Variants in CDH10 observed in about 807,000 individuals in gnomAD.
CDH10 encodes the protein cadherin-10.
Under a neutral mutation model 73.1 loss-of-function variants are expected in CDH10, and 30 were observed. That is an observed-to-expected ratio of 0.41 (90% confidence interval 0.31 to 0.56). CDH10 has a LOEUF of 0.56. CDH10 is among the 20% of genes least tolerant of loss of function. The pLI is 0.27. For synonymous variants in CDH10, 345 were observed against 348.2 expected (o/e 0.99, Z 0.10); for missense variants, 815 against 973.7 (o/e 0.84, Z 2.17).
At chr5:24,616,442 A>C (rs1172563891) in intron 1 of CDH10, among the ~76,000 whole-genome samples, 1 of 152,218 alleles carries the variant, frequency 6.6e-6, no homozygotes, top group African/African-American at 2.4e-5. Context: ...AAAGGTAAAA[A>C]AAGGAATGAA....
intron 11 of CDH10, among the ~76,000 whole-genome samples, chr5:24,489,807 C>A (rs768561367): frequency 6.6e-6 from 1 of 151,994 alleles, no homozygotes; most frequent in African/African-American, 2.4e-5. Flanking sequence ...AGGTAAAAAT[C>A]TATTTTAATA....
At chr5:24,623,083 G>T (rs901859732) in intron 1 of CDH10, among the ~76,000 whole-genome samples, 2 of 152,060 alleles carry the variant, frequency 1.3e-5, no homozygotes, top group Non-Finnish European at 2.9e-5. Context: ...CCAGAAATGA[G>T]AATTATTTCA....
rs1748035224 is a variant in CDH10, at chr5:24,641,074, A to G, written c.-124+3520T>C. Among the ~76,000 whole-genome samples, 3 of 152,068 alleles carry G rather than the reference A, an allele frequency of 2.0e-5. No homozygotes were observed. In the South Asian group the frequency reaches 6.2e-4, roughly 32 times the overall value. ...GTGATGGGTCTTATTTTTTGACAAT[A>G]TGTGTCTACAGTTAGTTCAAGTGAG... On this transcript the variant is annotated intron_variant, in intron 1 of 11. Transcript: ENST00000264463.
intron 4 of CDH10, 25 bp downstream of exon 4, chr5:24,535,678 C>G: frequency 6.3e-7 from 1 of 1,593,878 alleles, no homozygotes; most frequent in Non-Finnish European, 8.5e-7. Flanking sequence ...ATCAAATGAA[C>G]AAACAGCAAT....
At chr5:24,516,739 A>G (rs1487167847) in intron 5 of CDH10, among the ~76,000 whole-genome samples, 3 of 151,964 alleles carry the variant, frequency 2.0e-5, no homozygotes, top group Admixed American at 6.6e-5. Context: ...TCATTCCTTC[A>G]GCAAGCTTCC....
chr5:24,641,801 C>T (rs1007745352), intron 1 of CDH10, among the ~76,000 whole-genome samples: 4 of 151,940 alleles, frequency 2.6e-5, no homozygotes, highest in African/African-American at 9.7e-5. Context: ...CTGTTAAATA[C>T]AATATGGTTA....
intron 1 of CDH10, among the ~76,000 whole-genome samples, chr5:24,607,295 A>T (rs541084525): frequency 6.6e-6 from 1 of 152,196 alleles, no homozygotes; most frequent in Non-Finnish European, 1.5e-5. Flanking sequence ...TCCCTTGGAG[A>T]CAGGCACAAG....
intron 6 of CDH10, among the ~76,000 whole-genome samples, chr5:24,510,646 T>C (rs1303560209): frequency 6.6e-6 from 1 of 152,202 alleles, no homozygotes; most frequent in Non-Finnish European, 1.5e-5. Flanking sequence ...ACAGTTGGTT[T>C]TGTACTTTGT....
chr5:24,639,806 C>T (rs1179091044), intron 1 of CDH10, among the ~76,000 whole-genome samples: 2 of 151,736 alleles, frequency 1.3e-5, no homozygotes, highest in African/African-American at 4.8e-5. Context: ...TCAATATCCT[C>T]TCTTATAGTA....
intron 5 of CDH10, among the ~76,000 whole-genome samples, chr5:24,516,058 G>A (rs1177583525): frequency 6.6e-6 from 1 of 152,134 alleles, no homozygotes; most frequent in Non-Finnish European, 1.5e-5. Flanking sequence ...TTTATTAGCA[G>A]CATGAAAACA....
Position 24,518,360 on chromosome 5 carries a change from GAC to G in CDH10, c.815-6848_815-6847del, listed in dbSNP as rs1743185915. ...AACAACACATCAAACGCATGTTGGA[GAC>G]AGAGACAGATATATATACACACACA... On this transcript the variant is annotated intron_variant, in intron 5 of 11. Coordinates refer to ENST00000264463, the MANE Select transcript of CDH10 (RefSeq NM_006727.5). 2.0e-5 allele frequency among the ~76,000 whole-genome samples: 3 copies of G among 151,932 alleles called. No individual in the cohort carries two copies. The South Asian group carries it at 6.2e-4, about 31-fold the overall frequency.
intron 2 of CDH10, among the ~76,000 whole-genome samples, chr5:24,564,657 C>T (rs1745102005): frequency 6.6e-6 from 1 of 152,178 alleles, no homozygotes; most frequent in Non-Finnish European, 1.5e-5. Flanking sequence ...ATCAGTATTT[C>T]TAATTGCTAC....
At chr5:24,562,084 G>A (rs180956988) in intron 2 of CDH10, among the ~76,000 whole-genome samples, 4 of 152,026 alleles carry the variant, frequency 2.6e-5, no homozygotes, top group Admixed American at 2.0e-4. Context: ...TAATATAGAT[G>A]TAGAAGTTAT....
intron 1 of CDH10, among the ~76,000 whole-genome samples, chr5:24,636,511 G>T (rs947224286): frequency 1.3e-5 from 2 of 151,828 alleles, no homozygotes; most frequent in Non-Finnish European, 2.9e-5. Context: ...TTTTCACAGT[G>T]ACCAAGTTTT....
At chr5:24,570,086 G>A (rs1368481355) in intron 2 of CDH10, among the ~76,000 whole-genome samples, 1 of 152,042 alleles carries the variant, frequency 6.6e-6, no homozygotes, top group African/African-American at 2.4e-5. Flanking sequence ...TGTTTTCTAT[G>A]AGATTTGTTT....
rs1208057469 is a variant in CDH10, at chr5:24,588,183, C to CT, written c.231+5076dup. Among the ~76,000 whole-genome samples, 23 of 152,274 alleles carry CT rather than the reference C, an allele frequency of 1.5e-4. No homozygotes were observed. In the East Asian group the frequency reaches 4.1e-3, roughly 27 times the overall value. On this transcript the variant is annotated intron_variant, in intron 2 of 11. Transcript: ENST00000264463. The stretch of plus-strand genomic sequence containing the variant: ...AACCCAAAGGAGTCTCTGTCAATGT[C>CT]TATCACATCAACCTGATTAATGTTT...
intron 2 of CDH10, among the ~76,000 whole-genome samples, chr5:24,561,423 T>C (rs898498734): frequency 4.6e-5 from 7 of 152,140 alleles, no homozygotes; most frequent in Admixed American, 1.3e-4. Context: ...AAGACAATAC[T>C]GTATCAGTTT....
chr5:24,487,971 G>C lies in CDH10; in HGVS notation c.2059C>G (p.Arg687Gly), dbSNP rs768194920. 6.2e-7 allele frequency: 1 copy of C among 1,613,784 alleles called. No individual in the cohort carries two copies. Residue 687 changes from arginine (R) to glycine (G), a missense_variant, in exon 12 of 12, where the codon CGG (arginine) becomes GGG (glycine). Physicochemically the swap from Arg to Gly is moderately radical, Grantham distance 125. Around this residue, in one of 3 missense-constraint regions of CDH10, gnomAD observed 241 missense variants for 240.3 expected, o/e 1.00. Coordinates refer to ENST00000264463, the MANE Select transcript of CDH10 (RefSeq NM_006727.5). ...AACGTTTCTGGAATAATATCTCGCC[G>C]GAGCTTTTTTTCCTCAATGGCTGCA... ...NPAAIEEKKLRRDIIPETLFI... is the reference protein window; with the variant it reads ...NPAAIEEKKLGRDIIPETLFI...
rs971106195 is a variant in CDH10 at position 24,623,450 on chromosome 5, T to C, written c.-124+21144A>G. On this transcript the variant is annotated intron_variant, in intron 1 of 11. Coordinates refer to ENST00000264463, the MANE Select transcript of CDH10 (RefSeq NM_006727.5). Reference sequence around the variant, plus strand: ...TTAAAAGAGAACTGTCATTGTAATGTGCATTCTTAAAGTGGACTATTTCTT... The same window carrying C: ...TTAAAAGAGAACTGTCATTGTAATGCGCATTCTTAAAGTGGACTATTTCTT... Among the ~76,000 whole-genome samples, 23 of 152,342 alleles carry C rather than the reference T, an allele frequency of 1.5e-4. No individual in the cohort carries two copies. The East Asian group carries it at 2.3e-3, about 15-fold the overall frequency.
Sources: allele counts gnomAD v4.1 joint callset (sites outside exome capture counted in the v4.1 genomes callset), GRCh38; gene constraint gnomAD v4.1.1; regional missense constraint gnomAD v4.1.1; transcripts MANE v1.5; gene names NCBI Gene and HGNC (gene_info 2026-07-23, HGNC 2026-07-21).